Variants in HIPK3 observed in about 807,000 individuals in gnomAD.
HIPK3 encodes the protein homeodomain interacting protein kinase 3.
A neutral mutation model predicts 124.2 loss-of-function variants in HIPK3; 47 were observed. The ratio of observed to expected loss-of-function variants is 0.38; its 90% CI spans 0.30 to 0.48. HIPK3 has a LOEUF of 0.48. HIPK3 is among the 20% of genes least tolerant of loss of function. The probability of loss-of-function intolerance (pLI) is 0.98; values close to 1 mark genes in which losing one functional copy is unlikely to be tolerated. For missense variants in HIPK3, 1,286 were observed against 1,454.3 expected, an observed-to-expected ratio of 0.88 and a Z score of 1.88; for synonymous variants, 482 against 515.2, an observed-to-expected ratio of 0.94 and a Z score of 0.87.
At chr11:33,288,669 T>G (rs1202202224) in intron 2 of HIPK3, among the ~76,000 whole-genome samples, 1 of 152,202 alleles carries the variant, frequency 6.6e-6, no homozygotes, top group Non-Finnish European at 1.5e-5. Flanking sequence ...GTGCAATAGA[T>G]AGTATGAGAG....
intron 3 of HIPK3, among the ~76,000 whole-genome samples, chr11:33,336,498 C>T (rs1382999876): frequency 1.3e-5 from 2 of 152,240 alleles, no homozygotes; most frequent in Non-Finnish European, 2.9e-5. Context: ...TTCATCTCTT[C>T]TCTGGCCTTA....
chr11:33,300,266 A>T (rs1428221946), intron 2 of HIPK3, among the ~76,000 whole-genome samples: 1 of 150,382 alleles, frequency 6.6e-6, no homozygotes, highest in African/African-American at 2.4e-5. Flanking sequence ...GAATCGCTTG[A>T]ACCTGGGAGG....
chr11:33,257,197 C>A (rs1245993791), upstream of HIPK3: 2 of 974,998 alleles, frequency 2.1e-6, no homozygotes, highest in South Asian at 4.7e-5. Context: ...GGGCTCCGGG[C>A]AACAAGGGCG....
Position 33,286,751 on chromosome 11 carries a change from C to A in HIPK3, c.337C>A (p.Arg113=). ...GCAGGCACCTCAGATTGGGGCGTGG[C>A]GAAACAGATTGCATTTCCTAGAAGG... ...HVQAPQIGAW[R]NRLHFLEGPQ... Residue 113 remains arginine (R), a synonymous_variant, in exon 2 of 17, where the codon CGA becomes AGA. Transcript: ENST00000303296. 6.2e-7 allele frequency: 1 copy of A among 1,613,982 alleles called. No homozygotes were observed.
intron 2 of HIPK3, among the ~76,000 whole-genome samples, chr11:33,294,965 C>A (rs986347922): frequency 8.5e-5 from 13 of 152,088 alleles, no homozygotes; most frequent in Non-Finnish European, 1.5e-4. Flanking sequence ...ATAATGATGT[C>A]ATTCTCATGT....
chr11:33,312,001 G>A (rs1042255032), intron 2 of HIPK3, among the ~76,000 whole-genome samples: 6 of 72,462 alleles, frequency 8.3e-5, no homozygotes, highest in African/African-American at 1.9e-4. Context: ...CACACACCAC[G>A]AAAAAATACA....
chr11:33,327,818 A>G (rs1852856464), intron 2 of HIPK3, among the ~76,000 whole-genome samples: 1 of 152,222 alleles, frequency 6.6e-6, no homozygotes, highest in African/African-American at 2.4e-5. Context: ...CTGTCTTAGA[A>G]CATGAATCTT....
chr11:33,299,405 G>GA (rs1196309492), intron 2 of HIPK3, among the ~76,000 whole-genome samples: 2 of 151,902 alleles, frequency 1.3e-5, no homozygotes, highest in Admixed American at 6.5e-5. Context: ...CTGGGTGGCA[G>GA]AGGTTGCAGT....
intron 3 of HIPK3, among the ~76,000 whole-genome samples, chr11:33,336,475 A>C (rs1330776479): frequency 6.6e-6 from 1 of 152,190 alleles, no homozygotes; most frequent in Non-Finnish European, 1.5e-5. Flanking sequence ...TCAGTCTCTC[A>C]GTTCAGACCC....
intron 1 of HIPK3, among the ~76,000 whole-genome samples, chr11:33,285,661 A>C (rs994835011): frequency 3.3e-5 from 5 of 151,908 alleles, no homozygotes; most frequent in African/African-American, 1.2e-4. Flanking sequence ...TTTAAGAAAT[A>C]TGGCTATAAA....
chr11:33,326,441 C>T (rs992228602), intron 2 of HIPK3, among the ~76,000 whole-genome samples: 4 of 152,104 alleles, frequency 2.6e-5, no homozygotes, highest in Non-Finnish European at 5.9e-5. Context: ...GTCTGGGAAC[C>T]ATCCCAATAG....
At chr11:33,322,715 A>G (rs187836965) in intron 2 of HIPK3, among the ~76,000 whole-genome samples, 1 of 152,262 alleles carries the variant, frequency 6.6e-6, no homozygotes, top group Non-Finnish European at 1.5e-5. Context: ...AGTCCCAGCT[A>G]CTCAGGAGGC....
intron 3 of HIPK3, among the ~76,000 whole-genome samples, chr11:33,334,648 CT>C (rs1853084403): frequency 2.5e-5 from 1 of 39,868 alleles, no homozygotes; most frequent in African/African-American, 3.1e-4. Context: ...AGCTGATGAG[CT>C]TTAAAAAAAA....
intron 2 of HIPK3, among the ~76,000 whole-genome samples, chr11:33,311,303 A>C (rs1191159802): frequency 6.6e-6 from 1 of 152,110 alleles, no homozygotes; most frequent in African/African-American, 2.4e-5. Context: ...CTCGCACCTC[A>C]GCCTTCTGAG....
chr11:33,330,152 C>A (rs1852930528), intron 3 of HIPK3, among the ~76,000 whole-genome samples: 1 of 151,938 alleles, frequency 6.6e-6, no homozygotes, highest in Non-Finnish European at 1.5e-5. Flanking sequence ...CTCAGTTTTT[C>A]TAAATTTTAT....
chr11:33,284,483 GT>G (rs1851495677), intron 1 of HIPK3, among the ~76,000 whole-genome samples: 1 of 152,206 alleles, frequency 6.6e-6, no homozygotes, highest in African/African-American at 2.4e-5. Flanking sequence ...ATCTGAAAGA[GT>G]TTTTAAAGTG....
chr11:33,283,437 T>C (rs1417442607), intron 1 of HIPK3, among the ~76,000 whole-genome samples: 2 of 152,162 alleles, frequency 1.3e-5, no homozygotes, highest in African/African-American at 4.8e-5. Flanking sequence ...TTTATAATTT[T>C]CTCTTACAGA....
At chr11:33,328,149 A>C (rs1007248964) in intron 2 of HIPK3, among the ~76,000 whole-genome samples, 5 of 152,018 alleles carry the variant, frequency 3.3e-5, no homozygotes, top group Admixed American at 6.6e-5. Flanking sequence ...AGTTCTGCTG[A>C]TGTCATAGTA....
At chr11:33,284,641 C>T (rs1380977175) in intron 1 of HIPK3, among the ~76,000 whole-genome samples, 4 of 151,994 alleles carry the variant, frequency 2.6e-5, no homozygotes, top group Non-Finnish European at 4.4e-5. Flanking sequence ...CTAGGCGAGA[C>T]CTTGTTAAAA....
Sources: allele counts gnomAD v4.1 joint callset (sites outside exome capture counted in the v4.1 genomes callset), GRCh38; gene constraint gnomAD v4.1.1; transcripts MANE v1.5; gene names NCBI Gene and HGNC (gene_info 2026-07-23, HGNC 2026-07-21).